ZFAND2A: variants seen among roughly 807,000 people sequenced by gnomAD.
ZFAND2A encodes AN1-type zinc finger protein 2A.
In ZFAND2A, 20 loss-of-function variants were observed where a neutral mutation model predicts 11.6. The ratio of observed to expected loss-of-function variants is 1.72; its 90% CI spans 1.21 to 2.50. The LOEUF is 2.50. ZFAND2A is among the 30% of genes most tolerant of loss of function. The pLI is 0.00. For missense variants in ZFAND2A, 234 were observed against 182.9 expected (o/e 1.28, Z -1.61); for synonymous variants, 93 against 60.6 (o/e 1.54, Z -2.48).
chr7:1,158,944 G>A (rs1329463920), intron 1 of ZFAND2A, among the ~76,000 whole-genome samples: 2 of 151,968 alleles, frequency 1.3e-5, no homozygotes, highest in Admixed American at 1.3e-4. Context: ...AGCCCCTCCC[G>A]GGGCCTTTTC....
At chr7:1,154,905 G>A (rs1335314003) in intron 4 of ZFAND2A, among the ~76,000 whole-genome samples, 1 of 152,058 alleles carries the variant, frequency 6.6e-6, no homozygotes, top group Non-Finnish European at 1.5e-5. Context: ...AGATCATAAG[G>A]TGAGGAGTTC....
chr7:1,153,253 A>G, intron 4 of ZFAND2A, 29 bp from the exon 5 acceptor site: 1 of 1,602,970 alleles, frequency 6.2e-7, no homozygotes, highest in Non-Finnish European at 8.5e-7. Flanking sequence ...TTCAACAAGC[A>G]ATTCTTTTTT....
chr7:1,151,639 A>T (rs538577312), downstream of ZFAND2A, among the ~76,000 whole-genome samples: 7 of 152,106 alleles, frequency 4.6e-5, no homozygotes, highest in East Asian at 1.4e-3. Flanking sequence ...GGTGCCTGTA[A>T]TCCCAGCTAC....
downstream of ZFAND2A, among the ~76,000 whole-genome samples, chr7:1,151,153 G>A (rs1269498145): frequency 2.0e-5 from 3 of 152,156 alleles, no homozygotes; most frequent in South Asian, 2.1e-4. Context: ...CTCCCAAAGT[G>A]CTGAGATTAC....
intron 3 of ZFAND2A, chr7:1,157,039 G>C (rs12666678): frequency 0.13 from 19,339 of 152,262 alleles, 1,433 homozygotes; most frequent in Middle Eastern, 0.19. Flanking sequence ...CGGTCAAGTG[G>C]CAGAGTTCAC....
At chr7:1,157,918 C>T (rs1793570455) in intron 2 of ZFAND2A, among the ~76,000 whole-genome samples, 168 bp from the exon 3 acceptor site, 1 of 152,154 alleles carries the variant, frequency 6.6e-6, no homozygotes, top group Non-Finnish European at 1.5e-5. Context: ...CTTCTAGAGA[C>T]CCCCTATGGC....
chr7:1,149,854 T>A (rs1353836269), downstream of ZFAND2A, among the ~76,000 whole-genome samples: 5 of 75,914 alleles, frequency 6.6e-5, no homozygotes, highest in African/African-American at 2.6e-4. Context: ...TGTTCTTAAG[T>A]TTTTTTTTTT....
At chr7:1,148,968 TTTA>T (rs1361730025), downstream of ZFAND2A, among the ~76,000 whole-genome samples, 1 of 151,650 alleles carries the variant, frequency 6.6e-6, no homozygotes, top group Non-Finnish European at 1.5e-5. Context: ...TGTCTGGCTA[TTTA>T]TTTTTTTTGA....
In ZFAND2A at chr7:1,152,947, C is replaced by A; in HGVS notation, c.*122G>T. ...AATTTTATTATAGTCCCATCTCCCT[C>A]AACAAACAAGATCAGCAGCCAGTGT... On this transcript the variant is annotated 3_prime_UTR_variant, in exon 5 of 5. Coordinates refer to ENST00000316495, the MANE Select transcript of ZFAND2A (RefSeq NM_182491.4). 7.3e-7 allele frequency: 1 copy of A among 1,367,348 alleles called. No individual in the cohort carries two copies. Among genetic ancestry groups the A allele is most frequent in the South Asian group, 1.2e-5 (1 of 80,546 alleles). The allele number at this position is 1,367,348 out of a possible 1,614,324, so 84.7% of individuals were successfully genotyped here. A position where few individuals can be genotyped will look rare whatever the true frequency, so the allele number is the denominator to read the frequency against.
At position 1,152,912 on chromosome 7, in the gene ZFAND2A, T is replaced by C; in HGVS notation, c.*157A>G. The C allele has an allele frequency of 9.0e-7, 1 of 1,107,850 alleles. No individual in the cohort carries two copies. Among genetic ancestry groups the C allele is most frequent in the South Asian group, 1.3e-5 (1 of 74,710 alleles). The allele number at this position is 1,107,850 out of a possible 1,614,324, so 68.6% of individuals were successfully genotyped here. A position where few individuals can be genotyped will look rare whatever the true frequency, so the allele number is the denominator to read the frequency against. On this transcript the variant is annotated 3_prime_UTR_variant, in exon 5 of 5. Coordinates refer to ENST00000316495, the MANE Select transcript of ZFAND2A (RefSeq NM_182491.4). Reference sequence around the variant, plus strand: ...GGCAATGAGAACAACTAGAATCAACTTCAGCATTCAATTTTATTATAGTCC... The same window carrying C: ...GGCAATGAGAACAACTAGAATCAACCTCAGCATTCAATTTTATTATAGTCC...
rs769945041 is a variant in ZFAND2A at position 1,153,234 on chromosome 7, C to G, written c.283-10G>C. On this transcript the variant is annotated splice_polypyrimidine_tract_variant and intron_variant, in intron 4 of 4. Coordinates refer to ENST00000316495, the MANE Select transcript of ZFAND2A (RefSeq NM_182491.4). ...AACGGTATGTAAAAATCTAAGAGAG[C>G]AAAGTGACTTCAACAAGCAATTCTT... is the stretch of plus-strand genomic sequence containing the variant. The G allele has an allele frequency of 6.2e-7, 1 of 1,607,548 alleles. No individual in the cohort carries two copies. Among genetic ancestry groups the G allele is most frequent in the South Asian group, 1.1e-5 (1 of 90,998 alleles).
chr7:1,152,807 T>G (rs1584023358), downstream of ZFAND2A: 3 of 585,586 alleles, frequency 5.1e-6, no homozygotes, highest in East Asian at 9.7e-5. Context: ...CGCCTGGACC[T>G]CCAGCCCCCA....
downstream of ZFAND2A, among the ~76,000 whole-genome samples, chr7:1,150,887 C>CTTTTTTTTTTTTTTTTTTTTTT (rs10568309): frequency 7.8e-6 from 1 of 128,108 alleles, no homozygotes; most frequent in Non-Finnish European, 1.6e-5. Context: ...ACAACTGTGC[C>CTTTTTTTTTTTTTTTTTTTTTT]TTTTTTTTTT....
intron 4 of ZFAND2A, among the ~76,000 whole-genome samples, chr7:1,153,509 T>C (rs1563159709): frequency 6.6e-6 from 1 of 152,084 alleles, no homozygotes; most frequent in East Asian, 1.9e-4. Context: ...CCCAAAGTGC[T>C]AAGATTACCT....
chr7:1,153,668 GACCCA>G (rs1245803146), intron 4 of ZFAND2A, among the ~76,000 whole-genome samples: 1 of 152,226 alleles, frequency 6.6e-6, no homozygotes. Context: ...CATGGGGCTG[GACCCA>G]GTGGCTCACG....
intron 4 of ZFAND2A, 82 bp downstream of exon 4, chr7:1,155,371 A>G (rs1793497588): frequency 2.0e-5 from 31 of 1,560,312 alleles, no homozygotes; most frequent in Non-Finnish European, 2.7e-5. Flanking sequence ...TATTGGGAGT[A>G]ATTTTCAGGT....
intron 1 of ZFAND2A, among the ~76,000 whole-genome samples, chr7:1,158,662 G>A (rs533539849): frequency 7.9e-5 from 12 of 151,102 alleles, no homozygotes; most frequent in African/African-American, 2.7e-4. Flanking sequence ...ATTATCCAGA[G>A]AAGATTTAAC....
At position 1,158,203 on chromosome 7, in the gene ZFAND2A, GA is replaced by G. The variant is rs765400832; in HGVS notation, c.9del (p.Pro4LeufsTer15). The G allele has an allele frequency of 1.1e-4, 180 of 1,613,926 alleles. No individual in the cohort carries two copies. The highest frequency in any genetic ancestry group is 1.4e-4 in the Non-Finnish European group (164 of 1,179,998). On this transcript the variant is annotated frameshift_variant, in exon 2 of 5. Coordinates refer to ENST00000316495, the MANE Select transcript of ZFAND2A (RefSeq NM_182491.4). LOFTEE classifies it high-confidence loss of function. ...TCTGAACAATGCTTCCCCAAATCAG[GA>G]AACTCCATTATGAGAACAGTGCTCA... MEFPDLGKHCSEK... is the reference protein window; with the variant it reads MEXPDLGKHCSEK...
intron 3 of ZFAND2A, chr7:1,157,116 A>G (rs1793545774): frequency 6.6e-6 from 1 of 152,228 alleles, no homozygotes; most frequent in Non-Finnish European, 1.5e-5. Flanking sequence ...AAAAGTCAAC[A>G]ACAAGTCTCA....
Sources: gnomAD v4.1 joint callset for allele counts (sites outside exome capture counted in the v4.1 genomes callset) on GRCh38, gnomAD v4.1.1 for gene constraint, MANE v1.5 for transcripts, NCBI Gene and HGNC (gene_info 2026-07-23, HGNC 2026-07-21) for gene names.